SOS1: variants seen among roughly 807,000 people sequenced by gnomAD.
SOS1 encodes the protein SOS Ras/Rac guanine nucleotide exchange factor 1.
Under a neutral mutation model 157.6 loss-of-function variants are expected in SOS1, and 25 were observed. That is an observed-to-expected ratio of 0.16 (90% confidence interval 0.12 to 0.22). The LOEUF is 0.22. Among genes scored for constraint, SOS1 ranks in the 10% least tolerant of loss-of-function variants. The pLI, the probability that SOS1 is intolerant of heterozygous loss-of-function variation, is 1.00. For missense variants in SOS1, 1,237 were observed against 1,599.1 expected, an observed-to-expected ratio of 0.77 and a Z score of 3.86; for synonymous variants, 528 against 534.0, an observed-to-expected ratio of 0.99 and a Z score of 0.16.
intron 20 of SOS1, among the ~76,000 whole-genome samples, chr2:38,991,030 A>C (rs1390342740): frequency 6.6e-6 from 1 of 152,178 alleles, no homozygotes; most frequent in Non-Finnish European, 1.5e-5. Context: ...TTGGCTGTAC[A>C]TTAGAATCCT....
intron 21 of SOS1, among the ~76,000 whole-genome samples, chr2:38,988,274 A>G (rs1299119600): frequency 6.6e-6 from 1 of 152,228 alleles, no homozygotes; most frequent in Non-Finnish European, 1.5e-5. Flanking sequence ...ACTAAAATCT[A>G]GTGAATCTGA....
chr2:39,056,933 T>C (rs765072662), intron 3 of SOS1, 67 bp from the exon 4 acceptor site: 5 of 1,135,532 alleles, frequency 4.4e-6, no homozygotes, highest in Non-Finnish European at 5.3e-6. Flanking sequence ...TGATTAAAAA[T>C]AAAAAACATA....
At chr2:39,043,259 ATAC>A (rs966747307) in intron 6 of SOS1, among the ~76,000 whole-genome samples, 135 of 152,358 alleles carry the variant, frequency 8.9e-4, no homozygotes, top group African/African-American at 3.1e-3. Flanking sequence ...CTAAAGTAGA[ATAC>A]TACATTAAAA....
intron 20 of SOS1, among the ~76,000 whole-genome samples, chr2:38,991,455 C>G (rs1668730628): frequency 6.6e-6 from 1 of 152,198 alleles, no homozygotes; most frequent in African/African-American, 2.4e-5. Flanking sequence ...AGGCAATCTT[C>G]AAACAGGAAG....
At chr2:39,105,467 C>A (rs527978354) in intron 1 of SOS1, among the ~76,000 whole-genome samples, 1 of 152,130 alleles carries the variant, frequency 6.6e-6, no homozygotes, top group East Asian at 1.9e-4. Context: ...AGTTGGGCTG[C>A]TTAACTCATA....
chr2:39,051,099 T>C (rs770539827), intron 6 of SOS1, 45 bp downstream of exon 6: 1 of 1,582,536 alleles, frequency 6.3e-7, no homozygotes, highest in Non-Finnish European at 8.7e-7. Flanking sequence ...AATGTAAATG[T>C]AGGCTTTTAT....
intron 22 of SOS1, 64 bp downstream of exon 22, chr2:38,987,409 C>G (rs1668589305): frequency 1.2e-6 from 1 of 824,916 alleles, no homozygotes; most frequent in Non-Finnish European, 2.1e-6. Context: ...CTAAACTAGA[C>G]AGCCGTTTAT....
chr2:39,110,030 G>C (rs1422215951), intron 1 of SOS1, among the ~76,000 whole-genome samples: 2 of 127,774 alleles, frequency 1.6e-5, no homozygotes, highest in Non-Finnish European at 3.4e-5. Flanking sequence ...ATACAGTTGT[G>C]TGTGTGTGCG....
chr2:39,067,594 A>G (rs1462831633), intron 2 of SOS1, 34 bp downstream of exon 2: 1 of 1,596,102 alleles, frequency 6.3e-7, no homozygotes, highest in African/African-American at 1.3e-5. Flanking sequence ...CACAAATTAG[A>G]TATAAAGTAA....
chr2:39,064,987 A>T (rs1383011265), intron 2 of SOS1, among the ~76,000 whole-genome samples: 1 of 151,160 alleles, frequency 6.6e-6, no homozygotes, highest in Non-Finnish European at 1.5e-5. Flanking sequence ...CAAACTCCCA[A>T]CCTTAGGTTA....
chr2:39,074,488 C>T (rs1337537900), intron 1 of SOS1, among the ~76,000 whole-genome samples: 2 of 151,926 alleles, frequency 1.3e-5, no homozygotes, highest in Non-Finnish European at 2.9e-5. Flanking sequence ...TGCTTGAACC[C>T]GAGAGGCAGA....
At chr2:39,074,873 GAA>G (rs200642538) in intron 1 of SOS1, among the ~76,000 whole-genome samples, 8 of 109,018 alleles carry the variant, frequency 7.3e-5, no homozygotes, top group Admixed American at 1.9e-4. Flanking sequence ...GCCTCAACAG[GAA>G]AAAAAAAAAA....
chr2:39,061,759 TCTC>T (rs1331388949), intron 2 of SOS1, among the ~76,000 whole-genome samples: 1 of 152,050 alleles, frequency 6.6e-6, no homozygotes, highest in Non-Finnish European at 1.5e-5. Flanking sequence ...ATACTATTAC[TCTC>T]CTAATTTCAA....
chr2:39,088,691 T>C (rs1357042542), intron 1 of SOS1, among the ~76,000 whole-genome samples: 2 of 152,208 alleles, frequency 1.3e-5, no homozygotes, highest in Non-Finnish European at 2.9e-5. Context: ...TTCTATTACA[T>C]GCATGTATAT....
chr2:39,108,735 T>G (rs1369531649), intron 1 of SOS1, among the ~76,000 whole-genome samples: 1 of 151,710 alleles, frequency 6.6e-6, no homozygotes, highest in African/African-American at 2.4e-5. Context: ...CAAAAAAAAT[T>G]TTTAAAAATT....
At chr2:39,091,889 A>C (rs1325660201) in intron 1 of SOS1, among the ~76,000 whole-genome samples, 1 of 152,120 alleles carries the variant, frequency 6.6e-6, no homozygotes, top group Non-Finnish European at 1.5e-5. Flanking sequence ...CTAATGGTTT[A>C]CTCCAATGGA....
chr2:39,034,874 CCAAG>C (rs2124561673), intron 8 of SOS1: 2 of 466,952 alleles, frequency 4.3e-6, no homozygotes, highest in South Asian at 1.5e-5. Context: ...ATGCATAAAT[CCAAG>C]GTTGTTTTCA....
At chr2:39,110,803 A>G (rs1187848674) in intron 1 of SOS1, among the ~76,000 whole-genome samples, 1 of 152,260 alleles carries the variant, frequency 6.6e-6, no homozygotes, top group Non-Finnish European at 1.5e-5. Flanking sequence ...TGACTCCATC[A>G]GTATTAAAAA....
At chr2:39,017,367 C>G (rs1669663774) in intron 10 of SOS1, among the ~76,000 whole-genome samples, 1 of 152,032 alleles carries the variant, frequency 6.6e-6, no homozygotes, top group South Asian at 2.1e-4. Context: ...TACTGCTAAT[C>G]TTGGTTAAAG....
Sources: allele counts gnomAD v4.1 joint callset (sites outside exome capture counted in the v4.1 genomes callset), GRCh38; gene constraint gnomAD v4.1.1; transcripts MANE v1.5; gene names NCBI Gene and HGNC (gene_info 2026-07-23, HGNC 2026-07-21).